ITIH5: variants seen among roughly 807,000 people sequenced by gnomAD.
The protein encoded by ITIH5 is inter-alpha-trypsin inhibitor heavy chain H5.
In ITIH5, 65 loss-of-function variants were observed where a neutral mutation model predicts 77.5. The ratio of observed to expected loss-of-function variants is 0.84; its 90% CI spans 0.69 to 1.03. The LOEUF (loss-of-function observed/expected upper bound fraction) is 1.03, where lower values mean the gene tolerates loss of function less well. Among genes scored for constraint, ITIH5 ranks in the 50% least tolerant of loss-of-function variants. The probability of loss-of-function intolerance (pLI) is 0.00; values close to 1 mark genes in which losing one functional copy is unlikely to be tolerated. For missense variants in ITIH5, 1,208 were observed against 1,213.1 expected (o/e 1.00, Z 0.06); for synonymous variants, 525 against 494.3 (o/e 1.06, Z -0.82).
rs748929215 is a variant in ITIH5, at chr10:7,563,029, C to T, written c.*54G>A. 152 of 1,521,608 alleles carry T rather than the reference C, an allele frequency of 1.0e-4. No homozygotes were observed. Among genetic ancestry groups the T allele is most frequent in the Middle Eastern group, 3.5e-4 (2 of 5,792 alleles). The allele number at this position is 1,521,608 out of a possible 1,614,324, so 94.3% of individuals were successfully genotyped here. ...ACAAGCCATGAAAAGAGCTGCCCCA[C>T]GGCCTCCCCACATCACTGTCCTTCA... On this transcript the variant is annotated 3_prime_UTR_variant, in exon 14 of 14. Transcript: ENST00000397146.
At chr10:7,649,040 G>C (rs2131096790) in intron 2 of ITIH5, among the ~76,000 whole-genome samples, 1 of 152,160 alleles carries the variant, frequency 6.6e-6, no homozygotes, top group South Asian at 2.1e-4. Context: ...GAATCTACTA[G>C]ATTCAATTAG....
At chr10:7,568,226 C>T (rs1432702173) in intron 12 of ITIH5, among the ~76,000 whole-genome samples, 4 of 152,190 alleles carry the variant, frequency 2.6e-5, no homozygotes, top group Admixed American at 6.5e-5. Context: ...ATATAATTAA[C>T]TCTTGTTTTC....
intron 8 of ITIH5, among the ~76,000 whole-genome samples, chr10:7,582,037 G>A (rs1234541439): frequency 2.0e-5 from 3 of 151,454 alleles, no homozygotes; most frequent in East Asian, 1.9e-4. Context: ...CACCATGCCT[G>A]GCTAATTTTT....
chr10:7,584,452 C>G (rs1421162059), intron 8 of ITIH5, among the ~76,000 whole-genome samples: 2 of 151,896 alleles, frequency 1.3e-5, no homozygotes, highest in East Asian at 3.9e-4. Context: ...TACAGGCACC[C>G]GCCACCACAC....
rs1386963394 is a variant in ITIH5, at chr10:7,637,322, G to T, written c.558C>A (p.Ser186Arg). Residue 186 changes from serine to arginine, a missense_variant, in exon 5 of 14, where the codon AGC becomes AGA. Physicochemically the swap from Ser to Arg is moderately radical, Grantham distance 110. Coordinates refer to ENST00000397146, the MANE Select transcript of ITIH5 (RefSeq NM_030569.7). ...CGCTCTCCAGGATATTCACGTCCACGCTCAGCCTCCCGGACAGCTGCTGGG... is the reference window on the plus strand; with the variant it reads ...CGCTCTCCAGGATATTCACGTCCACTCTCAGCCTCCCGGACAGCTGCTGGG... The part of the protein sequence containing the change: ...VRPQQLSGRL[S>R]VDVNILESAG... The T allele has an allele frequency of 1.2e-6, 2 of 1,613,784 alleles. No individual in the cohort carries two copies. The highest frequency in any genetic ancestry group is 2.7e-5 in the African/African-American group (2 of 74,918).
At chr10:7,625,192 T>C (rs1374855394) in intron 5 of ITIH5, among the ~76,000 whole-genome samples, 1 of 151,880 alleles carries the variant, frequency 6.6e-6, no homozygotes, top group East Asian at 1.9e-4. Context: ...AATGTTGACA[T>C]GTGGTACAAC....
In ITIH5 at chr10:7,617,192, C is replaced by G; in HGVS notation, c.743G>C (p.Arg248Thr). 6.2e-7 allele frequency: 1 copy of G among 1,608,078 alleles called. No homozygotes were observed. Among genetic ancestry groups the G allele is most frequent in the South Asian group, 1.1e-5 (1 of 89,692 alleles). Residue 248 changes from arginine (R) to threonine (T), a missense_variant, in exon 6 of 14, where the codon AGG (arginine) becomes ACG (threonine). By Grantham distance (71) the Arg-to-Thr change is moderately conservative (BLOSUM62 -1). Transcript: ENST00000397146. ...TCCCAAAATTCCATTCTGGGCAATC[C>G]TGGCTTGTTGTACTACAGTAGGTTT... is the stretch of plus-strand genomic sequence containing the variant. ...IFKPTVVQQA[R>T]IAQNGILGDF...
intron 11 of ITIH5, chr10:7,572,336 T>G: frequency 7.3e-7 from 1 of 1,367,740 alleles, no homozygotes; most frequent in Non-Finnish European, 9.8e-7. Context: ...AGTTCCAGGA[T>G]GCTGGCAAAA....
In ITIH5 at chr10:7,628,775, G is replaced by A. The variant is rs866077265; in HGVS notation, c.652+8453C>T. Among the ~76,000 whole-genome samples the A allele has an allele frequency of 1.5e-4, 19 of 124,042 alleles. 1 individual carries two copies. The highest frequency in any genetic ancestry group is 5.8e-4 in the African/African-American group (19 of 32,734). The allele number at this position is 124,042 out of a possible 152,430, so 81.4% of individuals were successfully genotyped here. A position where few individuals can be genotyped will look rare whatever the true frequency, so the allele number is the denominator to read the frequency against. ...TTGCAGCGTGTGTCCATGTTGTAGCGTGTGTCCATGTTATCATATGTATCT... is the reference window on the plus strand; with the variant it reads ...TTGCAGCGTGTGTCCATGTTGTAGCATGTGTCCATGTTATCATATGTATCT... On this transcript the variant is annotated intron_variant, in intron 5 of 13. Transcript: ENST00000397146.
At chr10:7,570,023 T>C (rs1832266101) in intron 11 of ITIH5, 10 of 415,328 alleles carry the variant, frequency 2.4e-5, no homozygotes, top group Non-Finnish European at 4.3e-5. Context: ...TCCAATATAA[T>C]GCTCCTTTCA....
intron 5 of ITIH5, among the ~76,000 whole-genome samples, chr10:7,635,445 C>T (rs1422060765): frequency 6.6e-6 from 1 of 152,164 alleles, no homozygotes; most frequent in Non-Finnish European, 1.5e-5. Flanking sequence ...CATACAGCTA[C>T]CACCTGCATG....
At chr10:7,573,311 G>T in intron 10 of ITIH5, 116 bp from the exon 11 acceptor site, 1 of 784,272 alleles carries the variant, frequency 1.3e-6, no homozygotes, top group Non-Finnish European at 2.1e-6. Flanking sequence ...GTTTGTAACA[G>T]CTTAAATAAT....
At chr10:7,628,814 TGTCC>T (rs1833639509) in intron 5 of ITIH5, among the ~76,000 whole-genome samples, 1 of 144,476 alleles carries the variant, frequency 6.9e-6, no homozygotes, top group Admixed American at 6.9e-5. Flanking sequence ...TTTTTGCATG[TGTCC>T]ATGTTGTAGC....
chr10:7,644,575 C>A (rs1833953936), intron 2 of ITIH5, among the ~76,000 whole-genome samples: 2 of 57,744 alleles, frequency 3.5e-5, no homozygotes, highest in Non-Finnish European at 3.3e-5. Context: ...TGATATATAT[C>A]ACATATATCA....
chr10:7,588,140 T>C lies in ITIH5; in HGVS notation c.940-2071A>G, dbSNP rs757561539. 2.0e-4 allele frequency among the ~76,000 whole-genome samples: 30 copies of C among 152,326 alleles called. 1 individual carries two copies. Among genetic ancestry groups the C allele is most frequent in the Admixed American group, 9.8e-4 (15 of 15,302 alleles). ...GGCTCATGCCTCTAATCCCAACACT[T>C]TGGGAGGCTGAGGCAGGCGGATCAC... On this transcript the variant is annotated intron_variant, in intron 7 of 13. Coordinates refer to ENST00000397146, the MANE Select transcript of ITIH5 (RefSeq NM_030569.7).
At chr10:7,631,986 A>G (rs1833721467) in intron 5 of ITIH5, among the ~76,000 whole-genome samples, 1 of 149,804 alleles carries the variant, frequency 6.7e-6, no homozygotes, top group Non-Finnish European at 1.5e-5. Flanking sequence ...TTTAGTAGAA[A>G]TGGGGTTTCA....
intron 10 of ITIH5, among the ~76,000 whole-genome samples, chr10:7,575,154 C>T (rs1417529483): frequency 6.6e-5 from 10 of 152,344 alleles, no homozygotes; most frequent in South Asian, 2.1e-4. Flanking sequence ...CGTGCCTCCA[C>T]GGAAGGCGTG....
At chr10:7,664,400 A>C in intron 1 of ITIH5, among the ~76,000 whole-genome samples, 1 of 57,952 alleles carries the variant, frequency 1.7e-5, no homozygotes, top group South Asian at 7.0e-4. Flanking sequence ...ATTCCGTCTC[A>C]AAAAAAAAAA....
chr10:7,583,702 GC>G (rs1413609623), intron 8 of ITIH5, among the ~76,000 whole-genome samples: 1 of 152,182 alleles, frequency 6.6e-6, no homozygotes, highest in Non-Finnish European at 1.5e-5. Flanking sequence ...GGATGAACTG[GC>G]ATTTTTTTCT....
Sources: allele counts gnomAD v4.1 joint callset (sites outside exome capture counted in the v4.1 genomes callset), GRCh38; gene constraint gnomAD v4.1.1; transcripts MANE v1.5; gene names NCBI Gene and HGNC (gene_info 2026-07-23, HGNC 2026-07-21).